The following RABGAP1L variants were observed in gnomAD, a reference collection of about 807,000 sequenced individuals.
RABGAP1L encodes the protein rab GTPase-activating protein 1-like.
In RABGAP1L, 63 loss-of-function variants were observed where a neutral mutation model predicts 137.7. The observed-to-expected ratio is 0.46, with a 90% CI of 0.37 to 0.56. RABGAP1L has a LOEUF of 0.56. Ranked by LOEUF, RABGAP1L falls within the 20% of genes least tolerant of loss-of-function variation. The pLI is 0.00. For missense variants in RABGAP1L, 1,095 were observed against 1,244.0 expected (o/e 0.88, Z 1.80); for synonymous variants, 431 against 433.7 (o/e 0.99, Z 0.08).
intron 13 of RABGAP1L, among the ~76,000 whole-genome samples, chr1:174,616,973 A>G (rs1297861475): frequency 1.3e-5 from 2 of 152,234 alleles, no homozygotes; most frequent in African/African-American, 4.8e-5. Flanking sequence ...AGTTGAAGTC[A>G]CAGGAATGGA....
chr1:174,910,966 T>C (rs1659958209), intron 19 of RABGAP1L, among the ~76,000 whole-genome samples: 1 of 152,208 alleles, frequency 6.6e-6, no homozygotes, highest in African/African-American at 2.4e-5. Flanking sequence ...ATATGTTATT[T>C]TCCATTTTTT....
At chr1:174,756,536 A>G (rs1365071708) in intron 18 of RABGAP1L, among the ~76,000 whole-genome samples, 1 of 152,032 alleles carries the variant, frequency 6.6e-6, no homozygotes, top group South Asian at 2.1e-4. Context: ...CTTTTCTGCC[A>G]AAAAAGGAGC....
intron 19 of RABGAP1L, among the ~76,000 whole-genome samples, chr1:174,813,510 A>G (rs1039659110): frequency 6.6e-6 from 1 of 152,246 alleles, no homozygotes; most frequent in Non-Finnish European, 1.5e-5. Flanking sequence ...ATCTTTTTAA[A>G]TTTAAATCAA....
chr1:174,699,965 A>C (rs1679525293), intron 16 of RABGAP1L, among the ~76,000 whole-genome samples: 1 of 152,204 alleles, frequency 6.6e-6, no homozygotes, highest in South Asian at 2.1e-4. Context: ...ACAGAGTAAA[A>C]ATTGAAATAC....
At chr1:174,212,008 T>G (rs1222278853) in intron 1 of RABGAP1L, among the ~76,000 whole-genome samples, 1 of 152,078 alleles carries the variant, frequency 6.6e-6, no homozygotes, top group East Asian at 1.9e-4. Flanking sequence ...AAGAGAGGGA[T>G]AGACCCAAAT....
chr1:174,318,952 T>C (rs755534065), intron 11 of RABGAP1L, among the ~76,000 whole-genome samples: 19 of 152,044 alleles, frequency 1.2e-4, no homozygotes, highest in Non-Finnish European at 2.2e-4. Context: ...ATACCTATTA[T>C]TGTTTTTAAT....
chr1:174,898,502 A>T (rs918325421), intron 19 of RABGAP1L, among the ~76,000 whole-genome samples: 2 of 152,240 alleles, frequency 1.3e-5, no homozygotes, highest in East Asian at 1.9e-4. Flanking sequence ...GATAAGTTAG[A>T]CGACAAATCT....
intron 1 of RABGAP1L, among the ~76,000 whole-genome samples, chr1:174,180,556 C>A (rs546965679): frequency 9.8e-5 from 15 of 152,288 alleles, no homozygotes; most frequent in African/African-American, 3.4e-4. Context: ...CCTTGAACTC[C>A]TGGGCTCAAG....
chr1:174,623,619 G>C (rs896295797), intron 13 of RABGAP1L, among the ~76,000 whole-genome samples: 1 of 152,170 alleles, frequency 6.6e-6, no homozygotes, highest in Non-Finnish European at 1.5e-5. Flanking sequence ...GATAATACAC[G>C]TGGAGTACTG....
At chr1:174,871,718 G>C (rs1652229339) in intron 19 of RABGAP1L, among the ~76,000 whole-genome samples, 1 of 152,168 alleles carries the variant, frequency 6.6e-6, no homozygotes, top group Non-Finnish European at 1.5e-5. Context: ...CATTTCATTT[G>C]ATTGTTAGTG....
At chr1:174,463,312 C>G (rs1237073653) in intron 13 of RABGAP1L, among the ~76,000 whole-genome samples, 2 of 150,356 alleles carry the variant, frequency 1.3e-5, no homozygotes, top group Non-Finnish European at 3.0e-5. Context: ...CACATATACA[C>G]CATGGAATAC....
At chr1:174,747,664 C>T (rs371369280) in intron 17 of RABGAP1L, among the ~76,000 whole-genome samples, 12 of 152,120 alleles carry the variant, frequency 7.9e-5, no homozygotes, top group African/African-American at 2.6e-4. Context: ...TCCTCTTTAG[C>T]TTCCCAAACT....
intron 19 of RABGAP1L, among the ~76,000 whole-genome samples, chr1:174,841,555 A>C (rs1011181649): frequency 1.3e-5 from 2 of 151,134 alleles, no homozygotes; most frequent in African/African-American, 4.9e-5. Flanking sequence ...ATAAAAAAGC[A>C]GAAGAAGGGA....
intron 13 of RABGAP1L, among the ~76,000 whole-genome samples, chr1:174,531,505 A>G (rs1664402668): frequency 6.6e-6 from 1 of 152,218 alleles, no homozygotes; most frequent in Non-Finnish European, 1.5e-5. Context: ...ATTGAGGACA[A>G]GTATTCAAAA....
intron 19 of RABGAP1L, among the ~76,000 whole-genome samples, chr1:174,880,656 C>A (rs527394867): frequency 2.0e-4 from 29 of 148,408 alleles, no homozygotes; most frequent in African/African-American, 7.1e-4. Flanking sequence ...GTGGTGTGAT[C>A]ATAGCTCACT....
chr1:174,604,786 A>G (rs1670657290), intron 13 of RABGAP1L, among the ~76,000 whole-genome samples: 1 of 152,178 alleles, frequency 6.6e-6, no homozygotes, highest in Non-Finnish European at 1.5e-5. Context: ...AGAAAACAAA[A>G]AGAAGTCAGA....
intron 13 of RABGAP1L, among the ~76,000 whole-genome samples, chr1:174,480,391 C>G (rs922784150): frequency 6.6e-6 from 1 of 152,144 alleles, no homozygotes; most frequent in African/African-American, 2.4e-5. Context: ...TTGCATATGA[C>G]TTTGCAATTC....
chr1:174,629,683 G>A (rs1005983723), intron 13 of RABGAP1L, among the ~76,000 whole-genome samples: 7 of 152,000 alleles, frequency 4.6e-5, no homozygotes, highest in Middle Eastern at 3.4e-3. Context: ...CTACCATGCC[G>A]GGCTAATTTT....
intron 13 of RABGAP1L, among the ~76,000 whole-genome samples, chr1:174,405,541 T>C (rs1006023860): frequency 2.0e-5 from 3 of 152,212 alleles, no homozygotes; most frequent in Admixed American, 2.0e-4. Flanking sequence ...ATACAAAATT[T>C]ACAAAGATCT....
Sources: allele counts gnomAD v4.1 joint callset (sites outside exome capture counted in the v4.1 genomes callset), GRCh38; gene constraint gnomAD v4.1.1; transcripts MANE v1.5; gene names NCBI Gene and HGNC (gene_info 2026-07-23, HGNC 2026-07-21).